SLC6A16: variants seen among roughly 807,000 people sequenced by gnomAD.
SLC6A16 encodes the protein solute carrier family 6 member 16.
In SLC6A16, 54 loss-of-function variants were observed where a neutral mutation model predicts 65.4. The ratio of observed to expected loss-of-function variants is 0.83; its 90% CI spans 0.66 to 1.04. The LOEUF is 1.04. SLC6A16 is among the 50% of genes least tolerant of loss of function. SLC6A16 has a pLI of 0.00. For missense variants in SLC6A16, 816 were observed against 914.0 expected (o/e 0.89, Z 1.38); for synonymous variants, 330 against 346.5 (o/e 0.95, Z 0.53).
chr19:49,292,355 A>C lies in SLC6A16; in HGVS notation c.1778+868T>G, dbSNP rs1053953938. On this transcript the variant is annotated intron_variant, in intron 10 of 11. Coordinates refer to ENST00000335875, the MANE Select transcript of SLC6A16 (RefSeq NM_014037.3). The surrounding 1 kb of genome is among the most constrained non-coding windows in gnomAD (Gnocchi z 4.3). ...GCACTCCAGCCTGGGCAACAGAGCA[A>C]GACTCCATCTCAAAAAGAAAGAAAA... Among the ~76,000 whole-genome samples the C allele has an allele frequency of 1.3e-5, 2 of 152,180 alleles. No homozygotes were observed. The highest frequency in any genetic ancestry group is 4.8e-5 in the African/African-American group (2 of 41,444).
intron 1 of SLC6A16, among the ~76,000 whole-genome samples, chr19:49,313,107 C>T (rs1225452599): frequency 3.5e-5 from 5 of 140,922 alleles, no homozygotes; most frequent in Non-Finnish European, 7.4e-5. Context: ...ACGATGATGG[C>T]TACAAATATG....
At chr19:49,333,404 C>T in the SLC6A16 span, among the ~76,000 whole-genome samples, 1 of 152,204 alleles carries the variant, frequency 6.6e-6, no homozygotes, top group South Asian at 2.1e-4. Flanking sequence ...ACCCAGGAGG[C>T]GGAGGTTGCA....
chr19:49,312,171 T>A (rs1330828998), intron 1 of SLC6A16, among the ~76,000 whole-genome samples: 1 of 152,074 alleles, frequency 6.6e-6, no homozygotes, highest in Non-Finnish European at 1.5e-5. Context: ...ATAAAAGGAT[T>A]TCTAAGAACA....
At chr19:49,300,339 A>C (rs1419274753) in intron 7 of SLC6A16, among the ~76,000 whole-genome samples, 1 of 152,178 alleles carries the variant, frequency 6.6e-6, no homozygotes, top group Non-Finnish European at 1.5e-5. Flanking sequence ...CTCCGTCTCA[A>C]AACAAAACAA....
Position 49,325,047 on chromosome 19 carries a change from C to A in SLC6A16, c.-65+1G>T. ...AGGGCTCCCTGGGCCGTGACCCTCA[C>A]CCTAGCCCCAAGGCTTCTGCCAGGT... On this transcript the variant is annotated splice_donor_variant, in intron 1 of 11. Coordinates refer to ENST00000335875, the MANE Select transcript of SLC6A16 (RefSeq NM_014037.3). LOFTEE classifies it low-confidence loss of function (5UTR_SPLICE). 1 of 985,576 alleles carries A rather than the reference C, an allele frequency of 1.0e-6. No individual in the cohort carries two copies. Among genetic ancestry groups the A allele is most frequent in the Non-Finnish European group, 1.2e-6 (1 of 830,036 alleles). The allele number at this position is 985,576 out of a possible 1,614,324, so 61.1% of individuals were successfully genotyped here.
chr19:49,311,392 G>T lies in SLC6A16; in HGVS notation c.-45C>A. 2 of 1,522,182 alleles carry T rather than the reference G, an allele frequency of 1.3e-6. No individual in the cohort carries two copies. Among genetic ancestry groups the T allele is most frequent in the African/African-American group, 1.4e-5 (1 of 71,856 alleles). The allele number at this position is 1,522,182 out of a possible 1,614,324, so 94.3% of individuals were successfully genotyped here. On this transcript the variant is annotated 5_prime_UTR_variant, in exon 2 of 12. Transcript: ENST00000335875. Reference sequence around the variant, plus strand: ...GCAGCTCCCGCTTCTGCAAGGGAGGGTTCATCTTCCTGAGGAGACCTGAAG... The same window carrying T: ...GCAGCTCCCGCTTCTGCAAGGGAGGTTTCATCTTCCTGAGGAGACCTGAAG...
At chr19:49,329,649 A>G (rs758757564), upstream of SLC6A16, among the ~76,000 whole-genome samples, 72 of 71,124 alleles carry the variant, frequency 1.0e-3, no homozygotes, top group Middle Eastern at 0.036. Context: ...TTTTTTTTTG[A>G]GACAGTCTAG....
intron 7 of SLC6A16, among the ~76,000 whole-genome samples, chr19:49,295,540 T>C (rs1400797625): frequency 6.6e-6 from 1 of 152,180 alleles, no homozygotes; most frequent in East Asian, 1.9e-4. Flanking sequence ...TTGAACCAAT[T>C]TTCTCATCGG....
chr19:49,294,085 A>C, intron 8 of SLC6A16, 57 bp from the exon 9 acceptor site: 1 of 1,436,700 alleles, frequency 7.0e-7, no homozygotes, highest in Non-Finnish European at 9.7e-7. Flanking sequence ...TAACAAAAAA[A>C]TATAGACAAG....
chr19:49,308,408 G>A (rs1038352122), intron 7 of SLC6A16, among the ~76,000 whole-genome samples: 3 of 152,042 alleles, frequency 2.0e-5, no homozygotes, highest in Admixed American at 1.3e-4. Context: ...AGCCAAGTTC[G>A]CGCCACTGCA....
At chr19:49,325,334 A>G, upstream of SLC6A16, 3 of 670,902 alleles carry the variant, frequency 4.5e-6, no homozygotes, top group Non-Finnish European at 5.5e-6. Context: ...GCACGTGTGC[A>G]CATCCTCTGA....
intron 7 of SLC6A16, among the ~76,000 whole-genome samples, chr19:49,300,505 T>A (rs1970268666): frequency 1.3e-5 from 2 of 151,244 alleles, no homozygotes; most frequent in African/African-American, 2.4e-5. Flanking sequence ...AATCACTAAA[T>A]CACTGAAAGA....
chr19:49,332,254 T>C, the SLC6A16 span: 9 of 456,562 alleles, frequency 2.0e-5, no homozygotes, highest in Admixed American at 2.1e-4. Flanking sequence ...CCTCTGTGTG[T>C]TTCTTAGAAG....
intron 1 of SLC6A16, among the ~76,000 whole-genome samples, chr19:49,319,409 G>A (rs1049327546): frequency 6.0e-5 from 9 of 149,878 alleles, no homozygotes; most frequent in African/African-American, 2.2e-4. Flanking sequence ...ATATGTGTGT[G>A]TGTATATATA....
chr19:49,325,799 G>C (rs1970789166), upstream of SLC6A16, among the ~76,000 whole-genome samples: 1 of 152,118 alleles, frequency 6.6e-6, no homozygotes, highest in Admixed American at 6.5e-5. Context: ...TTCTAAAATA[G>C]TCATTGTTTA....
At position 49,293,336 on chromosome 19, in the gene SLC6A16, T is replaced by C; in HGVS notation, c.1665A>G (p.Arg555=). The C allele has an allele frequency of 6.2e-7, 1 of 1,614,004 alleles. No individual in the cohort carries two copies. The change falls in exon 10 of 12, where the codon CGA becomes CGG. Residue 555 remains arginine, a synonymous_variant. Coordinates refer to ENST00000335875, the MANE Select transcript of SLC6A16 (RefSeq NM_014037.3). ...GTCTGATGAAGTAGCTGCCTGAAGG[T>C]CGAGTGAAGAAGAGGCCGCACACGA... The part of the protein sequence containing the change: ...LMFVCGLFFT[R]PSGSYFIRLL...
At chr19:49,338,278 G>A in the SLC6A16 span, 1 of 930,242 alleles carries the variant, frequency 1.1e-6, no homozygotes, top group East Asian at 3.5e-5. This position sits in a 1 kb window ranked among gnomAD's most constrained non-coding sequence, Gnocchi z 5.0. Context: ...CCCCCGCCCC[G>A]ACCAGAGGTT....
rs1270164585 is a variant in SLC6A16 at position 49,309,730 on chromosome 19, T to C, written c.797A>G (p.Tyr266Cys). 21 of 1,613,600 alleles carry C rather than the reference T, an allele frequency of 1.3e-5. No individual in the cohort carries two copies. Among genetic ancestry groups the C allele is most frequent in the African/African-American group, 8.0e-5 (6 of 74,896 alleles). ...DRIEDGGSPV[Y>C]SLVLPFFLCW... is the part of the protein sequence containing the mutation. ...AAGAAAGAAGGGCAGGACCAGACTG[T>C]AGACTGGTGACCCGCCATCCTCGAT... Residue 266 changes from tyrosine (Y) to cysteine (C), a missense_variant, in exon 5 of 12, where the codon TAC becomes TGC. Transcript: ENST00000335875.
chr19:49,312,587 C>T, intron 1 of SLC6A16: 1 of 983,306 alleles, frequency 1.0e-6, no homozygotes, highest in Non-Finnish European at 1.2e-6. Flanking sequence ...TCTTCAAATA[C>T]AAGAGAAAAG....
Sources: allele counts gnomAD v4.1 joint callset (sites outside exome capture counted in the v4.1 genomes callset), GRCh38; gene constraint gnomAD v4.1.1; non-coding constraint Gnocchi (gnomAD v3.1); transcripts MANE v1.5; gene names NCBI Gene and HGNC (gene_info 2026-07-23, HGNC 2026-07-21).